MRTFB: variants seen among roughly 807,000 people sequenced by gnomAD.
The protein encoded by MRTFB is myocardin related transcription factor B, also known as myocardin-related transcription factor B.
In MRTFB, 29 loss-of-function variants were observed where a neutral mutation model predicts 104.2. The observed-to-expected ratio is 0.28, with a 90% CI of 0.21 to 0.38. The LOEUF is 0.38. Ranked by LOEUF, MRTFB falls within the 10% of genes least tolerant of loss-of-function variation. The pLI is 1.00. For missense variants in MRTFB, 1,270 were observed against 1,341.6 expected, an observed-to-expected ratio of 0.95 and a Z score of 0.83; for synonymous variants, 535 against 519.5, an observed-to-expected ratio of 1.03 and a Z score of -0.41.
At chr16:14,058,437 C>T in the MRTFB span, among the ~76,000 whole-genome samples, 3 of 128,012 alleles carry the variant, frequency 2.3e-5, no homozygotes, top group African/African-American at 7.5e-5. Flanking sequence ...TCCTCATGAG[C>T]CGGGCAATGT....
the MRTFB span, among the ~76,000 whole-genome samples, chr16:14,017,769 T>C: frequency 2.8e-3 from 383 of 134,894 alleles, 3 homozygotes; most frequent in Non-Finnish European, 2.8e-3. Context: ...CGGGCTAGAG[T>C]GCACTGTGTG....
At chr16:14,017,195 TAC>T in the MRTFB span, among the ~76,000 whole-genome samples, 1 of 151,680 alleles carries the variant, frequency 6.6e-6, no homozygotes, top group African/African-American at 2.4e-5. Flanking sequence ...TAGCTGGGAC[TAC>T]AGGCGCCCGC....
At chr16:14,164,952 T>TA (rs879278829) in intron 3 of MRTFB, among the ~76,000 whole-genome samples, 5,902 of 142,746 alleles carry the variant, frequency 0.041, 236 homozygotes, top group African/African-American at 0.11. Context: ...AAGACAAAAT[T>TA]AAAAAAAAAA....
intron 3 of MRTFB, among the ~76,000 whole-genome samples, chr16:14,194,655 C>A (rs577923820): frequency 6.0e-5 from 9 of 151,044 alleles, no homozygotes; most frequent in Non-Finnish European, 8.8e-5. Flanking sequence ...GGTACAGTGG[C>A]CAAAACTTCA....
In MRTFB at chr16:14,252,434, A is replaced by G; in HGVS notation, c.2635A>G (p.Thr879Ala). The part of the protein sequence containing the change: ...HSLFGSPVAK[T>A]KDPPRYEEAI... Reference sequence around the variant, plus strand: ...TCTATTTGGGAGTCCAGTCGCCAAGACAAAAGATCCCCCCCGCTATGAGGA... The same window carrying G: ...TCTATTTGGGAGTCCAGTCGCCAAGGCAAAAGATCCCCCCCGCTATGAGGA... Residue 879 changes from threonine to alanine, a missense_variant, in exon 15 of 17, where the codon ACA (threonine) becomes GCA (alanine). By Grantham distance (58) the Thr-to-Ala change is moderately conservative. This residue lies in a region of MRTFB where 1,144 missense variants were observed against 1,131.5 expected (regional missense o/e 1.01). Transcript: ENST00000571589. 1 of 1,613,554 alleles carries G rather than the reference A, an allele frequency of 6.2e-7. No homozygotes were observed. The highest frequency in any genetic ancestry group is 8.5e-7 in the Non-Finnish European group (1 of 1,179,936).
intron 2 of MRTFB, among the ~76,000 whole-genome samples, chr16:14,103,417 G>C (rs956343029): frequency 6.6e-6 from 1 of 152,176 alleles, no homozygotes; most frequent in African/African-American, 2.4e-5. Context: ...ATGGGGGAGG[G>C]TGTTTGTTTG....
Position 14,247,499 on chromosome 16 carries a change from A to G in MRTFB, c.2239A>G (p.Lys747Glu). ...AGTGCAACTCCCTGTAGGCAGCCTC[A>G]AACTCCAGGTGTGAAGTGTGTCTTC... The part of the protein sequence containing the change: ...TSVQLPVGSL[K>E]LQTSPQAGMQ... The change falls in exon 12 of 17, where the codon AAA (lysine) becomes GAA (glutamate). Residue 747 changes from lysine to glutamate, a missense_variant. Around this residue, in one of 3 missense-constraint regions of MRTFB, gnomAD observed 1,144 missense variants for 1,131.5 expected, o/e 1.01. Transcript: ENST00000571589. The G allele has an allele frequency of 6.4e-7, 1 of 1,553,510 alleles. No individual in the cohort carries two copies. The highest frequency in any genetic ancestry group is 8.7e-7 in the Non-Finnish European group (1 of 1,154,744).
intron 13 of MRTFB, 58 bp from the exon 14 acceptor site, chr16:14,251,804 T>C (rs1455601854): frequency 6.3e-7 from 1 of 1,584,386 alleles, no homozygotes; most frequent in Non-Finnish European, 8.6e-7. Flanking sequence ...ATGGTTTTCT[T>C]TACTTCATTA....
In MRTFB at chr16:14,261,279, C is replaced by T. The variant is rs2043768267; in HGVS notation, c.3135C>T (p.Pro1045=). The change falls in exon 17 of 17, where the codon CCC becomes CCT. Residue 1045 remains proline (P), a synonymous_variant. Transcript: ENST00000571589. ...AGACCCAGTTTGCTGCAGGTACTCC[C>T]TGTCTGTCTCTCGACCTGTCAGACT... The part of the protein sequence containing the change: ...TSETQFAAGT[P]CLSLDLSDSN... 4 of 1,614,062 alleles carry T rather than the reference C, an allele frequency of 2.5e-6. No individual in the cohort carries two copies. The highest frequency in any genetic ancestry group is 3.3e-5 in the Admixed American group (2 of 60,012).
At chr16:14,098,750 A>G (rs908974855) in intron 2 of MRTFB, among the ~76,000 whole-genome samples, 16 of 152,148 alleles carry the variant, frequency 1.1e-4, no homozygotes, top group African/African-American at 3.6e-4. Context: ...ATTTAGATTT[A>G]GTTGTTGCAT....
At chr16:14,002,314 C>T in the MRTFB span, among the ~76,000 whole-genome samples, 9 of 151,130 alleles carry the variant, frequency 6.0e-5, no homozygotes, top group Admixed American at 3.3e-4. Context: ...ATCCAGGAGG[C>T]GGAGGTTGCA....
intron 2 of MRTFB, among the ~76,000 whole-genome samples, chr16:14,129,649 T>C (rs67893324): frequency 0.21 from 31,830 of 152,110 alleles, 5,884 homozygotes; most frequent in African/African-American, 0.49. Flanking sequence ...TGTTTTACAT[T>C]CTCACCAGTG....
At chr16:14,079,644 G>C (rs1239407029) in intron 2 of MRTFB, among the ~76,000 whole-genome samples, 1 of 152,048 alleles carries the variant, frequency 6.6e-6, no homozygotes. Context: ...ATAGCTGTTT[G>C]GTGGTTATAT....
chr16:14,195,508 C>T (rs2040395285), intron 3 of MRTFB: 1 of 985,126 alleles, frequency 1.0e-6, no homozygotes, highest in Non-Finnish European at 1.2e-6. Flanking sequence ...TTCCTGAATC[C>T]ACAAAATGGA....
the MRTFB span, among the ~76,000 whole-genome samples, chr16:14,016,968 G>C: frequency 4.0e-5 from 6 of 151,692 alleles, no homozygotes; most frequent in Non-Finnish European, 5.9e-5. Flanking sequence ...GATGCAACAA[G>C]ACTTTTACAA....
chr16:14,083,574 T>C (rs951828944), intron 2 of MRTFB, among the ~76,000 whole-genome samples: 2 of 152,226 alleles, frequency 1.3e-5, no homozygotes, highest in African/African-American at 2.4e-5. Flanking sequence ...GGCAAAGTCC[T>C]ATGCTTACTT....
In MRTFB at chr16:14,258,113, C is replaced by T; in HGVS notation, c.2716C>T (p.His906Tyr). ...QAPLPEISNAHSQQMDDLFDI... is the reference protein window; with the variant it reads ...QAPLPEISNAYSQQMDDLFDI... ...TCCTTCATTGTAGATTTCCAACGCT[C>T]ACAGTCAGCAGATGGATGACCTCTT... The change falls in exon 16 of 17, where the codon CAC (histidine) becomes TAC (tyrosine). Residue 906 changes from histidine (H) to tyrosine (Y), a missense_variant. Transcript: ENST00000571589. 6.2e-7 allele frequency: 1 copy of T among 1,613,890 alleles called. No individual in the cohort carries two copies. Among genetic ancestry groups the T allele is most frequent in the Non-Finnish European group, 8.5e-7 (1 of 1,179,850 alleles).
At chr16:14,196,597 T>G in intron 3 of MRTFB, among the ~76,000 whole-genome samples, 1 of 152,240 alleles carries the variant, frequency 6.6e-6, no homozygotes, top group East Asian at 1.9e-4. Context: ...GTTTTTCAGT[T>G]AACTTGATGT....
At chr16:14,196,930 A>G (rs2040457218) in intron 3 of MRTFB, among the ~76,000 whole-genome samples, 1 of 148,598 alleles carries the variant, frequency 6.7e-6, no homozygotes, top group Admixed American at 6.7e-5. Context: ...ACTTTTTATC[A>G]TCTATGAGAG....
Sources: gnomAD v4.1 joint callset for allele counts (sites outside exome capture counted in the v4.1 genomes callset) on GRCh38, gnomAD v4.1.1 for gene constraint, gnomAD v4.1.1 regional missense constraint, MANE v1.5 for transcripts, NCBI Gene and HGNC (gene_info 2026-07-23, HGNC 2026-07-21) for gene names.